PSAP: variants seen among roughly 807,000 people sequenced by gnomAD.
The protein encoded by PSAP is precursor of saposins.
A neutral mutation model predicts 66.0 loss-of-function variants in PSAP; 25 were observed. The ratio of observed to expected loss-of-function variants is 0.38; its 90% CI spans 0.28 to 0.53. The LOEUF is 0.53. PSAP is among the 20% of genes least tolerant of loss of function. The pLI, the probability that PSAP is intolerant of heterozygous loss-of-function variation, is 0.83. For missense variants in PSAP, 649 were observed against 668.8 expected (o/e 0.97, Z 0.33); for synonymous variants, 273 against 258.9 (o/e 1.05, Z -0.52).
At chr10:71,819,221 T>G in intron 11 of PSAP, 110 bp from the exon 12 acceptor site, 1 of 1,117,824 alleles carries the variant, frequency 8.9e-7, no homozygotes, top group Non-Finnish European at 1.3e-6. Flanking sequence ...GCTCCTGGCA[T>G]TCCCAGCCCA....
At chr10:71,830,298 G>T (rs1367248393) in intron 4 of PSAP, among the ~76,000 whole-genome samples, 1 of 152,154 alleles carries the variant, frequency 6.6e-6, no homozygotes, top group East Asian at 1.9e-4. Context: ...CCCCTCATGA[G>T]CAAGTCCAGT....
chr10:71,817,470 C>T lies in PSAP; in HGVS notation c.1546G>A (p.Glu516Lys), dbSNP rs563727360. 7.4e-6 allele frequency: 12 copies of T among 1,614,120 alleles called. No individual in the cohort carries two copies. Among genetic ancestry groups the T allele is most frequent in the Admixed American group, 6.7e-5 (4 of 60,022 alleles). The change falls in exon 14 of 14, where the codon GAG becomes AAG. Residue 516 changes from glutamate (E) to lysine (K), a missense_variant. By Grantham distance (56) the Glu-to-Lys change is moderately conservative. Coordinates refer to ENST00000394936, the MANE Select transcript of PSAP (RefSeq NM_002778.4). Reference sequence around the variant, plus strand: ...TTCCACACATGGCGTTTGCAATGCTCGACAGCCTGGTAGGAGAGAGGAAGC... The same window carrying T: ...TTCCACACATGGCGTTTGCAATGCTTGACAGCCTGGTAGGAGAGAGGAAGC... ...TETAAQCNAV[E>K]HCKRHVWN
Position 71,830,770 on chromosome 10 carries a change from A to G in PSAP, c.375+356T>C, listed in dbSNP as rs570791628. Among the ~76,000 whole-genome samples the G allele has an allele frequency of 3.3e-5, 5 of 152,350 alleles. No individual in the cohort carries two copies. In the East Asian group the frequency reaches 7.7e-4, roughly 24 times the overall value. ...ACATTCCCTGAATTATTCCTTGATT[A>G]TAAGTTCACAGAAATAAATTCACAG... On this transcript the variant is annotated intron_variant, in intron 4 of 13. Transcript: ENST00000394936.
intron 7 of PSAP, 75 bp downstream of exon 7, chr10:71,825,762 T>C: frequency 7.1e-7 from 1 of 1,405,028 alleles, no homozygotes; most frequent in South Asian, 1.2e-5. Context: ...AACCATATAA[T>C]TTTCAAAATT....
chr10:71,822,151 G>T, intron 7 of PSAP, 144 bp from the exon 8 acceptor site: 1 of 1,102,296 alleles, frequency 9.1e-7, no homozygotes, highest in Non-Finnish European at 1.3e-6. Flanking sequence ...CAACGGGGCA[G>T]ATTCCAGTTT....
At chr10:71,826,487 G>A (rs144757172) in intron 6 of PSAP, among the ~76,000 whole-genome samples, 8 of 152,282 alleles carry the variant, frequency 5.3e-5, no homozygotes, top group African/African-American at 1.9e-4. Context: ...CTGTTTAAAT[G>A]GTGTTATGCA....
At chr10:71,818,517 G>A in intron 13 of PSAP, 100 bp downstream of exon 13, 1 of 1,035,468 alleles carries the variant, frequency 9.7e-7, no homozygotes, top group Non-Finnish European at 1.5e-6. Context: ...CATAAAAGCA[G>A]GGTGGAGAGT....
At chr10:71,831,733 T>G (rs562031574) in intron 3 of PSAP, 113 bp downstream of exon 3, 1 of 1,053,010 alleles carries the variant, frequency 9.5e-7, no homozygotes, top group African/African-American at 1.6e-5. Flanking sequence ...TGGAAGACAT[T>G]TGCCACCCTC....
intron 7 of PSAP, among the ~76,000 whole-genome samples, chr10:71,823,494 G>A (rs1045659014): frequency 1.3e-5 from 2 of 152,186 alleles, no homozygotes; most frequent in Non-Finnish European, 2.9e-5. Flanking sequence ...CAGACACAAG[G>A]TGCCCTGGGG....
At chr10:71,847,647 C>CAAA (rs771414790) in intron 1 of PSAP, among the ~76,000 whole-genome samples, 1 of 126,110 alleles carries the variant, frequency 7.9e-6, no homozygotes, top group Non-Finnish European at 1.7e-5. Context: ...CTTTCTGCTC[C>CAAA]AAAAAAAAAA....
rs1240753920 is a variant in PSAP at position 71,828,942 on chromosome 10, A to C, written c.511T>G (p.Phe171Val). The C allele has an allele frequency of 6.2e-7, 1 of 1,614,106 alleles. No homozygotes were observed. The highest frequency in any genetic ancestry group is 2.2e-5 in the East Asian group (1 of 44,866). ...ELDMTEVVAPFMANIPLLLYP... is the reference protein window; with the variant it reads ...ELDMTEVVAPVMANIPLLLYP... ...AGGAGGAGAGGGATGTTGGCCATGA[A>C]GGGGGCCACCACCTCAGTCATGTCC... Residue 171 changes from phenylalanine to valine, a missense_variant, in exon 5 of 14, where the codon TTC (phenylalanine) becomes GTC (valine). Phe to Val is a conservative substitution (Grantham distance 50). Coordinates refer to ENST00000394936, the MANE Select transcript of PSAP (RefSeq NM_002778.4).
At chr10:71,850,011 G>T (rs2133073581) in intron 1 of PSAP, among the ~76,000 whole-genome samples, 1 of 151,774 alleles carries the variant, frequency 6.6e-6, no homozygotes, top group South Asian at 2.1e-4. Context: ...CATATATCGT[G>T]ACTTACTTTC....
chr10:71,842,797 C>A (rs780843188), intron 1 of PSAP, among the ~76,000 whole-genome samples: 4 of 152,094 alleles, frequency 2.6e-5, no homozygotes, highest in Non-Finnish European at 5.9e-5. Context: ...TCATTTGCGC[C>A]CAAAGTCACT....
chr10:71,828,859 G>A lies in PSAP; in HGVS notation c.576+18C>T. The A allele has an allele frequency of 3.7e-6, 6 of 1,613,458 alleles. No individual in the cohort carries two copies. Among genetic ancestry groups the A allele is most frequent in the Non-Finnish European group, 5.1e-6 (6 of 1,179,858 alleles). ...TGCAACCAAAAATGGGTCCTCAGTG[G>A]CCAGCCCGTTGTCTTACCTTTGGCT... On this transcript the variant is annotated intron_variant, in intron 5 of 13. Coordinates refer to ENST00000394936, the MANE Select transcript of PSAP (RefSeq NM_002778.4).
intron 1 of PSAP, among the ~76,000 whole-genome samples, chr10:71,839,962 G>T (rs1564825049): frequency 2.6e-5 from 4 of 152,112 alleles, no homozygotes; most frequent in Admixed American, 2.6e-4. Flanking sequence ...TTACAGAAAG[G>T]TCTCCCAACA....
In PSAP at chr10:71,829,237, A is replaced by G. The variant is rs187500729; in HGVS notation, c.376-160T>C. On this transcript the variant is annotated intron_variant, in intron 4 of 13. Coordinates refer to ENST00000394936, the MANE Select transcript of PSAP (RefSeq NM_002778.4). Reference sequence around the variant, plus strand: ...CTGCTCAGCATACCAAGAATGACAAAATTACCCAATCCGAGTGCCTAACCA... The same window carrying G: ...CTGCTCAGCATACCAAGAATGACAAGATTACCCAATCCGAGTGCCTAACCA... 1.1e-4 allele frequency among the ~76,000 whole-genome samples: 17 copies of G among 152,274 alleles called. 1 individual carries two copies. The highest frequency in any genetic ancestry group is 3.6e-4 in the African/African-American group (15 of 41,548).
chr10:71,820,715 GCTCA>G (rs796801205), intron 8 of PSAP, among the ~76,000 whole-genome samples: 2 of 152,268 alleles, frequency 1.3e-5, no homozygotes, highest in African/African-American at 4.8e-5. Flanking sequence ...AAAGTGAGGG[GCTCA>G]CTATCGGTCC....
At position 71,819,932 on chromosome 10, in the gene PSAP, C is replaced by T. The variant is rs185045008; in HGVS notation, c.1006-32G>A. 5.5e-4 allele frequency: 869 copies of T among 1,582,816 alleles called. 1 individual carries two copies. The highest frequency in any genetic ancestry group is 1.5e-3 in the Middle Eastern group (9 of 5,968). On this transcript the variant is annotated intron_variant, in intron 9 of 13. Transcript: ENST00000394936. ...CACACGAGAGGATCGTGTGAGAAGA[C>T]GGGAGGCCGGACAAGGGTTGGGGGA...
chr10:71,843,513 G>A (rs139660671), intron 1 of PSAP, among the ~76,000 whole-genome samples: 7 of 152,256 alleles, frequency 4.6e-5, no homozygotes, highest in Admixed American at 2.6e-4. Context: ...CTTTCTCTGC[G>A]TCTTCTTCAA....
Sources: gnomAD v4.1 joint callset for allele counts (sites outside exome capture counted in the v4.1 genomes callset) on GRCh38, gnomAD v4.1.1 for gene constraint, MANE v1.5 for transcripts, NCBI Gene and HGNC (gene_info 2026-07-23, HGNC 2026-07-21) for gene names.